The following HOMER2 variants were observed in gnomAD, a reference collection of about 807,000 sequenced individuals.
HOMER2 encodes the protein homer protein homolog 2.
In HOMER2, 27 loss-of-function variants were observed where a neutral mutation model predicts 47.0. That is an observed-to-expected ratio of 0.57 (90% confidence interval 0.42 to 0.79). HOMER2 has a LOEUF of 0.79. Ranked by LOEUF, HOMER2 falls within the 30% of genes least tolerant of loss-of-function variation. HOMER2 has a pLI of 0.00. For synonymous variants in HOMER2, 161 were observed against 163.8 expected, an observed-to-expected ratio of 0.98 and a Z score of 0.13; for missense variants, 443 against 435.0, an observed-to-expected ratio of 1.02 and a Z score of -0.16.
At chr15:82,895,990 G>T (rs1310644287) in intron 1 of HOMER2, among the ~76,000 whole-genome samples, 1 of 152,068 alleles carries the variant, frequency 6.6e-6, no homozygotes, top group Non-Finnish European at 1.5e-5. Flanking sequence ...AAAAGAAGTG[G>T]CCCCTAGAGC....
At chr15:82,890,763 A>G (rs1215578212) in intron 2 of HOMER2, among the ~76,000 whole-genome samples, 1 of 152,234 alleles carries the variant, frequency 6.6e-6, no homozygotes, top group Non-Finnish European at 1.5e-5. Context: ...TGACAAAAGT[A>G]CAAACCCATC....
At chr15:82,871,806 G>A (rs932879662) in intron 3 of HOMER2, among the ~76,000 whole-genome samples, 4 of 152,218 alleles carry the variant, frequency 2.6e-5, no homozygotes, top group South Asian at 2.1e-4. Context: ...TCTCAGAGAG[G>A]CACAGAGCAT....
chr15:82,858,798 A>T (rs927691427), intron 5 of HOMER2, among the ~76,000 whole-genome samples: 16 of 151,938 alleles, frequency 1.1e-4, no homozygotes, highest in East Asian at 5.8e-4. Flanking sequence ...TCTCTCTCTC[A>T]CACACACACA....
intron 1 of HOMER2, among the ~76,000 whole-genome samples, chr15:82,971,461 C>T (rs1287244121): frequency 1.3e-5 from 2 of 151,964 alleles, no homozygotes; most frequent in Non-Finnish European, 2.9e-5. Flanking sequence ...TAAACAGAAG[C>T]TGTTGAGGAG....
At chr15:82,917,439 G>A (rs2053619169) in intron 1 of HOMER2, among the ~76,000 whole-genome samples, 1 of 152,196 alleles carries the variant, frequency 6.6e-6, no homozygotes, top group East Asian at 1.9e-4. Flanking sequence ...ACAGGCACCT[G>A]TCCCTCCTCT....
Position 82,850,181 on chromosome 15 carries a change from C to T in HOMER2, c.844-278G>A, listed in dbSNP as rs566919166. Among the ~76,000 whole-genome samples the T allele has an allele frequency of 1.6e-4, 25 of 152,372 alleles. No homozygotes were observed. In the South Asian group the frequency reaches 3.5e-3, roughly 21 times the overall value. ...CCAAGACCCAACAAAGCAGGCAGAA[C>T]GCAGAGTCCTGCCTGAGGGAGACCT... On this transcript the variant is annotated intron_variant, in intron 8 of 8. Coordinates refer to ENST00000450735, the MANE Select transcript of HOMER2 (RefSeq NM_004839.4).
At chr15:82,953,105 C>A (rs1017516713), upstream of HOMER2, among the ~76,000 whole-genome samples, 1 of 152,214 alleles carries the variant, frequency 6.6e-6, no homozygotes. Flanking sequence ...CCCAAGGTCA[C>A]ACATTCAGAT....
chr15:82,882,411 A>T (rs759036971), intron 2 of HOMER2, among the ~76,000 whole-genome samples: 4 of 152,146 alleles, frequency 2.6e-5, no homozygotes, highest in Non-Finnish European at 5.9e-5. Flanking sequence ...GCCATCCTCA[A>T]AGAGCTCACA....
chr15:82,945,596 T>C (rs1415947688), intron 1 of HOMER2, among the ~76,000 whole-genome samples: 2 of 152,158 alleles, frequency 1.3e-5, no homozygotes, highest in East Asian at 3.8e-4. Context: ...CTGTTATTTT[T>C]CAGTATAAAC....
intron 1 of HOMER2, among the ~76,000 whole-genome samples, chr15:82,929,833 T>C (rs58070122): frequency 0.067 from 10,102 of 151,340 alleles, 656 homozygotes; most frequent in African/African-American, 0.17. Context: ...TGGGCTCAAG[T>C]GATTCTCCTA....
chr15:82,924,559 G>A (rs1293385343), intron 1 of HOMER2, among the ~76,000 whole-genome samples: 2 of 152,072 alleles, frequency 1.3e-5, no homozygotes, highest in Non-Finnish European at 2.9e-5. Context: ...AGGGCTTCAG[G>A]GCAATTCACA....
chr15:82,939,207 G>A (rs1043321237), intron 1 of HOMER2, among the ~76,000 whole-genome samples: 5 of 152,056 alleles, frequency 3.3e-5, no homozygotes, highest in African/African-American at 4.8e-5. Flanking sequence ...CTCCTCTTAC[G>A]TTCCCAATCT....
chr15:82,931,451 G>A (rs1011306977), intron 1 of HOMER2, among the ~76,000 whole-genome samples: 41 of 151,358 alleles, frequency 2.7e-4, no homozygotes, highest in African/African-American at 1.0e-3. Context: ...CTCCCTTGAA[G>A]CCAGTGATAT....
intron 3 of HOMER2, among the ~76,000 whole-genome samples, chr15:82,874,278 C>G (rs1031058740): frequency 2.0e-5 from 3 of 152,224 alleles, no homozygotes; most frequent in Admixed American, 2.0e-4. Flanking sequence ...TGGCCCTTCC[C>G]TGGGTTTGCA....
intron 1 of HOMER2, among the ~76,000 whole-genome samples, chr15:82,966,955 A>G (rs1054689979): frequency 2.0e-5 from 3 of 152,204 alleles, no homozygotes; most frequent in African/African-American, 7.2e-5. Flanking sequence ...GCAACAAGTC[A>G]ACTCTAAAAA....
At chr15:82,869,021 C>T (rs187095480) in intron 3 of HOMER2, among the ~76,000 whole-genome samples, 144 of 152,292 alleles carry the variant, frequency 9.5e-4, no homozygotes, top group African/African-American at 3.3e-3. Context: ...GTTTGAATAA[C>T]CTGCCCCTTA....
chr15:82,880,461 G>A (rs1017762504), intron 2 of HOMER2, among the ~76,000 whole-genome samples: 1 of 152,148 alleles, frequency 6.6e-6, no homozygotes, highest in Non-Finnish European at 1.5e-5. Context: ...GGACTTCTGA[G>A]GTATTAATGA....
downstream of HOMER2, chr15:82,835,914 T>C (rs1341652087): frequency 1.3e-5 from 2 of 152,248 alleles, no homozygotes; most frequent in African/African-American, 4.8e-5. Flanking sequence ...GTGGGACTTT[T>C]CTTATGCATA....
intron 1 of HOMER2, among the ~76,000 whole-genome samples, chr15:82,932,851 CACCCCAACTGTG>C (rs2054047597): frequency 6.6e-6 from 1 of 152,168 alleles, no homozygotes; most frequent in South Asian, 2.1e-4. Context: ...GCCCTGTGCA[CACCCCAACTGTG>C]AGAGGTGCTC....
Sources: allele counts gnomAD v4.1 joint callset (sites outside exome capture counted in the v4.1 genomes callset), GRCh38; gene constraint gnomAD v4.1.1; transcripts MANE v1.5; gene names NCBI Gene and HGNC (gene_info 2026-07-23, HGNC 2026-07-21).